Variants in RNLS observed in about 807,000 individuals in gnomAD.
The protein encoded by RNLS is renalase, FAD dependent amine oxidase.
A neutral mutation model predicts 39.8 loss-of-function variants in RNLS; 39 were observed. The ratio of observed to expected loss-of-function variants is 0.98; its 90% CI spans 0.76 to 1.28. The LOEUF (loss-of-function observed/expected upper bound fraction) is 1.28, where lower values mean the gene tolerates loss of function less well. Among genes scored for constraint, RNLS ranks in the 50% most tolerant of loss-of-function variants. The pLI, the probability that RNLS is intolerant of heterozygous loss-of-function variation, is 0.00. For missense variants in RNLS, 410 were observed against 413.3 expected (o/e 0.99, Z 0.07); for synonymous variants, 147 against 150.7 (o/e 0.98, Z 0.18).
At chr10:88,229,686 G>C in the RNLS span, among the ~76,000 whole-genome samples, 1 of 152,186 alleles carries the variant, frequency 6.6e-6, no homozygotes, top group Admixed American at 6.5e-5. Flanking sequence ...TCTCTCCCCA[G>C]TCTCTGGCAA....
At chr10:88,219,962 C>T in the RNLS span, among the ~76,000 whole-genome samples, 17 of 152,282 alleles carry the variant, frequency 1.1e-4, no homozygotes, top group African/African-American at 3.6e-4. Flanking sequence ...AAAAGTGTGA[C>T]GGTCCCTGAG....
At chr10:88,535,610 A>T (rs573812895) in intron 4 of RNLS, among the ~76,000 whole-genome samples, 9 of 152,124 alleles carry the variant, frequency 5.9e-5, no homozygotes, top group East Asian at 1.9e-4. Context: ...AAAAAAAGAT[A>T]AAAAAAACCT....
At chr10:88,485,596 G>C (rs72820060) in intron 4 of RNLS, among the ~76,000 whole-genome samples, 1 of 141,046 alleles carries the variant, frequency 7.1e-6, no homozygotes, top group Non-Finnish European at 1.5e-5. Context: ...CTTCTTTTTA[G>C]TTGTGACAGG....
chr10:88,259,496 A>C, the RNLS span: 1 of 152,200 alleles, frequency 6.6e-6, no homozygotes, highest in Non-Finnish European at 1.5e-5. Context: ...GAAACGGTTT[A>C]AATGTCTATC....
In RNLS at chr10:88,314,716, G is replaced by GACTT; in HGVS notation, c.701-79_701-76dup. The GACTT allele has an allele frequency of 3.0e-6, 4 of 1,344,944 alleles. No individual in the cohort carries two copies. The South Asian group carries it at 5.5e-5, about 18-fold the overall frequency. 83.3% of individuals were successfully genotyped at this position (1,344,944 alleles called of 1,614,324 possible). A position where few individuals can be genotyped will look rare whatever the true frequency, so the allele number is the denominator to read the frequency against. ...AAGCATCTCTCAGGATTTCAATTCA[G>GACTT]ACTTAAGAACTGATCACAATAATCA... On this transcript the variant is annotated intron_variant, in intron 5 of 6. Transcript: ENST00000331772.
Position 88,284,454 on chromosome 10 carries a change from G to C in RNLS, c.*900C>G, listed in dbSNP as rs1554849452. The C allele has an allele frequency of 2.0e-6, 2 of 985,152 alleles. No homozygotes were observed. Among genetic ancestry groups the C allele is most frequent in the African/African-American group, 1.7e-5 (1 of 57,206 alleles). 61.0% of individuals were successfully genotyped at this position (985,152 alleles called of 1,614,324 possible). On this transcript the variant is annotated 3_prime_UTR_variant, in exon 7 of 7. Coordinates refer to ENST00000331772, the MANE Select transcript of RNLS (RefSeq NM_001031709.3). ...GGGGTCAGGTCACTGAAGCATGTGG[G>C]TGATATGCTGAACCACCAACTTGGC...
In RNLS at chr10:88,526,505, G is replaced by A. The variant is rs149383971; in HGVS notation, c.526+46398C>T. Among the ~76,000 whole-genome samples, 602 of 152,176 alleles carry A rather than the reference G, an allele frequency of 4.0e-3. 3 individuals are homozygous for A. The highest frequency in any genetic ancestry group is 0.027 in the Middle Eastern group (8 of 294). On this transcript the variant is annotated intron_variant, in intron 4 of 6. Transcript: ENST00000331772. ...TGGACAGGCACGCTAGCTCAGGTCT[G>A]TAATCCCAACACTTTGGGAGGCTGA...
the RNLS span, among the ~76,000 whole-genome samples, chr10:88,172,565 C>G: frequency 6.6e-6 from 1 of 151,994 alleles, no homozygotes; most frequent in Non-Finnish European, 1.5e-5. Context: ...CTTATATATT[C>G]TAGACATTAG....
chr10:88,284,230 C>T lies in RNLS; in HGVS notation c.*1124G>A. The T allele has an allele frequency of 1.0e-6, 1 of 985,320 alleles. No individual in the cohort carries two copies. The highest frequency in any genetic ancestry group is 1.2e-6 in the Non-Finnish European group (1 of 829,876). 61.0% of individuals were successfully genotyped at this position (985,320 alleles called of 1,614,324 possible). A position where few individuals can be genotyped will look rare whatever the true frequency, so the allele number is the denominator to read the frequency against. On this transcript the variant is annotated 3_prime_UTR_variant, in exon 7 of 7. Coordinates refer to ENST00000331772, the MANE Select transcript of RNLS (RefSeq NM_001031709.3). ...TGTGCCTGTGTATGTGTATGTATGACAGTGGACATGTAAGTGTGAAACTTT... is the reference window on the plus strand; with the variant it reads ...TGTGCCTGTGTATGTGTATGTATGATAGTGGACATGTAAGTGTGAAACTTT...
intron 4 of RNLS, among the ~76,000 whole-genome samples, chr10:88,460,775 G>T (rs560921466): frequency 1.4e-4 from 22 of 152,230 alleles, no homozygotes; most frequent in South Asian, 2.1e-4. Context: ...GACTGTTTTT[G>T]GGTTCACTTC....
chr10:88,283,981 A>G (rs1456589875), downstream of RNLS: 1 of 266,674 alleles, frequency 3.7e-6, no homozygotes, highest in Non-Finnish European at 5.8e-6. Context: ...ATAAATAAAG[A>G]CAAATGTTAG....
intron 4 of RNLS, 81 bp from the exon 5 acceptor site, chr10:88,362,806 A>G (rs1326096890): frequency 3.1e-6 from 4 of 1,300,744 alleles, no homozygotes; most frequent in Admixed American, 2.4e-5. Flanking sequence ...ATTCCTTTAA[A>G]CCAGTTACAA....
At chr10:88,301,306 A>G (rs1198203184) in intron 6 of RNLS, among the ~76,000 whole-genome samples, 3 of 152,238 alleles carry the variant, frequency 2.0e-5, no homozygotes, top group Non-Finnish European at 4.4e-5. Flanking sequence ...TCTCACACAT[A>G]TGTACTACCT....
intron 5 of RNLS, among the ~76,000 whole-genome samples, chr10:88,317,091 T>C (rs1279220366): frequency 6.6e-6 from 1 of 152,200 alleles, no homozygotes; most frequent in Non-Finnish European, 1.5e-5. Context: ...TTTTCTTTAT[T>C]CAGTTTAACA....
intron 4 of RNLS, among the ~76,000 whole-genome samples, chr10:88,507,423 T>G (rs1471323097): frequency 6.6e-6 from 1 of 152,156 alleles, no homozygotes; most frequent in South Asian, 2.1e-4. Context: ...GAAAGTGCTA[T>G]GATAAGGTAA....
At chr10:88,510,672 G>A (rs1362102310) in intron 4 of RNLS, among the ~76,000 whole-genome samples, 1 of 151,678 alleles carries the variant, frequency 6.6e-6, no homozygotes, top group African/African-American at 2.4e-5. Flanking sequence ...GTAAAATCCC[G>A]TCTCTAATAA....
intron 4 of RNLS, among the ~76,000 whole-genome samples, chr10:88,566,945 A>T (rs1849534565): frequency 6.6e-6 from 1 of 152,142 alleles, no homozygotes; most frequent in Admixed American, 6.5e-5. Context: ...TCAAAGATAA[A>T]AAATATAAAA....
chr10:88,447,358 A>C (rs1842094776), intron 4 of RNLS, among the ~76,000 whole-genome samples: 1 of 89,660 alleles, frequency 1.1e-5, no homozygotes, highest in African/African-American at 7.4e-5. Flanking sequence ...AAGCATTCTT[A>C]TACACCAATA....
chr10:88,538,311 T>C (rs548044738), intron 4 of RNLS, among the ~76,000 whole-genome samples: 3 of 152,276 alleles, frequency 2.0e-5, no homozygotes, highest in East Asian at 1.9e-4. Context: ...AAGAACCTTA[T>C]TTAGAAGAGA....
Sources: allele counts gnomAD v4.1 joint callset (sites outside exome capture counted in the v4.1 genomes callset), GRCh38; gene constraint gnomAD v4.1.1; transcripts MANE v1.5; gene names NCBI Gene and HGNC (gene_info 2026-07-23, HGNC 2026-07-21).